CCDC7: variants seen among roughly 807,000 people sequenced by gnomAD.
CCDC7 encodes the protein coiled-coil domain-containing protein 7.
In CCDC7, 183 loss-of-function variants were observed where a neutral mutation model predicts 196.9. The observed-to-expected ratio is 0.93, with a 90% CI of 0.82 to 1.05. CCDC7 has a LOEUF of 1.05. CCDC7 is among the 50% of genes least tolerant of loss of function. CCDC7 has a pLI of 0.00. For synonymous variants in CCDC7, 525 were observed against 484.6 expected, an observed-to-expected ratio of 1.08 and a Z score of -1.10; for missense variants, 1,540 against 1,482.2, an observed-to-expected ratio of 1.04 and a Z score of -0.64.
At chr10:32,632,833 C>T (rs1198653171) in intron 18 of CCDC7, among the ~76,000 whole-genome samples, 1 of 152,036 alleles carries the variant, frequency 6.6e-6, no homozygotes, top group African/African-American at 2.4e-5. Flanking sequence ...TATTAAATTT[C>T]TCAAGGCTTG....
At chr10:32,807,761 T>A (rs970859004) in intron 30 of CCDC7, among the ~76,000 whole-genome samples, 3 of 151,036 alleles carry the variant, frequency 2.0e-5, no homozygotes, top group African/African-American at 7.3e-5. Flanking sequence ...CTCATGTGAG[T>A]CACACACACA....
At chr10:32,526,008 TG>T (rs2048620965) in intron 11 of CCDC7, among the ~76,000 whole-genome samples, 3 of 152,054 alleles carry the variant, frequency 2.0e-5, no homozygotes, top group Non-Finnish European at 4.4e-5. Context: ...TCCTTCAGGG[TG>T]GTGTGTTCCC....
At chr10:32,831,706 G>A (rs899552895) in intron 32 of CCDC7, among the ~76,000 whole-genome samples, 2 of 152,054 alleles carry the variant, frequency 1.3e-5, no homozygotes, top group African/African-American at 4.8e-5. Context: ...CCACCTCCAC[G>A]TCTTGCCCCA....
intron 6 of CCDC7, among the ~76,000 whole-genome samples, chr10:32,472,269 A>C (rs916374320): frequency 6.6e-6 from 1 of 152,174 alleles, no homozygotes; most frequent in African/African-American, 2.4e-5. Flanking sequence ...CATGGCCTAC[A>C]TGGAATTCAT....
intron 2 of CCDC7, 110 bp downstream of exon 3, chr10:32,453,546 A>G: frequency 2.9e-6 from 2 of 685,202 alleles, no homozygotes; most frequent in Non-Finnish European, 4.0e-6. Context: ...TTATATCCTC[A>G]GAATGAATTT....
chr10:32,865,559 A>G (rs766991877), intron 41 of CCDC7, among the ~76,000 whole-genome samples: 1 of 151,846 alleles, frequency 6.6e-6, no homozygotes, highest in Non-Finnish European at 1.5e-5. Context: ...TTTTTACTAT[A>G]AGGAGTGTGT....
intron 5 of CCDC7, among the ~76,000 whole-genome samples, chr10:32,467,493 T>C (rs537265939): frequency 3.9e-4 from 59 of 152,332 alleles, no homozygotes; most frequent in African/African-American, 1.2e-3. Flanking sequence ...ATTAGACCTT[T>C]GTCAGGTGAA....
chr10:32,690,218 G>A (rs1042346485), intron 23 of CCDC7, among the ~76,000 whole-genome samples: 4 of 152,120 alleles, frequency 2.6e-5, no homozygotes, highest in South Asian at 2.1e-4. Context: ...CAGTCCTTTT[G>A]GGAGATTTCC....
chr10:32,543,093 G>C (rs1015252680), intron 11 of CCDC7, among the ~76,000 whole-genome samples: 7 of 152,032 alleles, frequency 4.6e-5, no homozygotes, highest in African/African-American at 1.7e-4. Flanking sequence ...ATATGTATTA[G>C]GTTATATACA....
intron 8 of CCDC7, among the ~76,000 whole-genome samples, chr10:32,476,521 C>CTTTT (rs998688913): frequency 6.6e-6 from 1 of 152,276 alleles, no homozygotes; most frequent in African/African-American, 2.4e-5. Flanking sequence ...ACTATCAACA[C>CTTTT]TTTTGTTCAG....
chr10:32,480,683 A>C lies in CCDC7; in HGVS notation c.796+6660A>C, dbSNP rs568846158. 4.8e-4 allele frequency among the ~76,000 whole-genome samples: 73 copies of C among 152,080 alleles called. 1 individual carries two copies. The South Asian group carries it at 0.015, about 31-fold the overall frequency. On this transcript the variant is annotated intron_variant, in intron 8 of 41. Transcript: ENST00000639629. ...TCTTTCAATTTTTCTTCAGTTATTG[A>C]TTTCTAGTTTCATGCCACTGTGATT...
intron 25 of CCDC7, among the ~76,000 whole-genome samples, chr10:32,714,164 G>C (rs1295295097): frequency 2.0e-5 from 3 of 152,198 alleles, no homozygotes; most frequent in Non-Finnish European, 2.9e-5. Flanking sequence ...TACCAATGCA[G>C]AAGGTGGGTG....
intron 21 of CCDC7, among the ~76,000 whole-genome samples, chr10:32,685,322 A>G (rs1017994117): frequency 6.6e-6 from 1 of 151,756 alleles, no homozygotes; most frequent in Non-Finnish European, 1.5e-5. Flanking sequence ...CACATTATTA[A>G]CCATAACTTT....
intron 29 of CCDC7, among the ~76,000 whole-genome samples, chr10:32,785,914 G>T (rs1238796486): frequency 6.6e-6 from 1 of 152,050 alleles, no homozygotes; most frequent in Non-Finnish European, 1.5e-5. Flanking sequence ...CGAGCTCTGA[G>T]ATTCCTTCCT....
chr10:32,761,395 C>T (rs1478698644), intron 28 of CCDC7, among the ~76,000 whole-genome samples: 1 of 151,994 alleles, frequency 6.6e-6, no homozygotes, highest in Non-Finnish European at 1.5e-5. Flanking sequence ...CTGGATACTC[C>T]TAATCAAATA....
intron 21 of CCDC7, among the ~76,000 whole-genome samples, chr10:32,674,144 G>T (rs1323942330): frequency 6.7e-6 from 1 of 149,106 alleles, no homozygotes; most frequent in African/African-American, 2.5e-5. Context: ...GTGAACTTTG[G>T]CTTTAGTTTC....
At chr10:32,602,056 T>G (rs2061089002) in intron 18 of CCDC7, among the ~76,000 whole-genome samples, 6 of 152,134 alleles carry the variant, frequency 3.9e-5, no homozygotes, top group Admixed American at 3.9e-4. Flanking sequence ...TCACAATAAA[T>G]CTTGCTGCTG....
intron 6 of CCDC7, 84 bp from the exon 8 acceptor site, chr10:32,472,397 C>T: frequency 8.0e-7 from 1 of 1,248,788 alleles, no homozygotes; most frequent in Non-Finnish European, 1.1e-6. Context: ...TATGTCTGGA[C>T]TTCACATTTT....
intron 39 of CCDC7, 22 bp downstream of exon 40, chr10:32,848,740 T>TA: frequency 2.0e-6 from 3 of 1,473,576 alleles, no homozygotes. Flanking sequence ...TGTATGTAGA[T>TA]ATGAATTCAG....
Sources: gnomAD v4.1 joint callset for allele counts (sites outside exome capture counted in the v4.1 genomes callset) on GRCh38, gnomAD v4.1.1 for gene constraint, MANE v1.5 for transcripts, NCBI Gene and HGNC (gene_info 2026-07-23, HGNC 2026-07-21) for gene names.